Variants in CREB3L2 observed in about 807,000 individuals in gnomAD.
CREB3L2 encodes cAMP responsive element binding protein 3 like 2.
Under a neutral mutation model 57.2 loss-of-function variants are expected in CREB3L2, and 23 were observed. The ratio of observed to expected loss-of-function variants is 0.40; its 90% CI spans 0.29 to 0.57. The LOEUF is 0.57. Ranked by LOEUF, CREB3L2 falls within the 20% of genes least tolerant of loss-of-function variation. CREB3L2 has a pLI of 0.42. For synonymous variants in CREB3L2, 268 were observed against 265.1 expected, an observed-to-expected ratio of 1.01 and a Z score of -0.11; for missense variants, 628 against 634.7, an observed-to-expected ratio of 0.99 and a Z score of 0.11.
At chr7:137,975,662 C>T (rs766404560) in intron 1 of CREB3L2, among the ~76,000 whole-genome samples, 1 of 152,098 alleles carries the variant, frequency 6.6e-6, no homozygotes, top group Non-Finnish European at 1.5e-5. Context: ...CTGCGTCTTC[C>T]AGCACCTCAA....
At chr7:137,899,141 GAAGGAAGGAAGGAAGGAAGGA>G (rs1158844652) in intron 8 of CREB3L2, among the ~76,000 whole-genome samples, 1 of 149,544 alleles carries the variant, frequency 6.7e-6, no homozygotes, top group East Asian at 2.1e-4. Flanking sequence ...AGGAAGGAAG[GAAGGAAGGAAGGAAGGAAGGA>G]AGGAAGGAAC....
chr7:137,885,351 G>T, intron 9 of CREB3L2, 52 bp downstream of exon 9: 2 of 1,470,650 alleles, frequency 1.4e-6, no homozygotes, highest in Non-Finnish European at 1.9e-6. Context: ...GGAGAGGGGA[G>T]ACAGGGGCCA....
chr7:137,957,218 CA>C (rs1369599851), intron 1 of CREB3L2, among the ~76,000 whole-genome samples: 2 of 152,198 alleles, frequency 1.3e-5, no homozygotes, highest in African/African-American at 4.8e-5. Context: ...GCTACTTCCA[CA>C]ATCTAGCCTT....
intron 1 of CREB3L2, among the ~76,000 whole-genome samples, chr7:137,964,221 C>A (rs931891818): frequency 1.3e-5 from 2 of 152,144 alleles, no homozygotes; most frequent in African/African-American, 4.8e-5. Context: ...GAGGCTGAGG[C>A]AGGAGAATCA....
intron 1 of CREB3L2, among the ~76,000 whole-genome samples, chr7:137,986,171 C>T (rs1801789340): frequency 6.6e-6 from 1 of 152,248 alleles, no homozygotes; most frequent in Non-Finnish European, 1.5e-5. Context: ...TAAGCCTAGA[C>T]TCATTCATTT....
chr7:137,965,938 T>C (rs1801400446), intron 1 of CREB3L2, among the ~76,000 whole-genome samples: 1 of 152,202 alleles, frequency 6.6e-6, no homozygotes, highest in African/African-American at 2.4e-5. Flanking sequence ...AATGGGTGCA[T>C]CTCACCCTAG....
rs368376398 is a variant in CREB3L2 at position 137,912,979 on chromosome 7, G to A, written c.583+12C>T. 1.9e-6 allele frequency: 3 copies of A among 1,613,394 alleles called. No homozygotes were observed. The highest frequency in any genetic ancestry group is 1.1e-5 in the South Asian group (1 of 91,002). On this transcript the variant is annotated intron_variant, in intron 4 of 11. Coordinates refer to ENST00000330387, the MANE Select transcript of CREB3L2 (RefSeq NM_194071.4). ...TCCATAACCCAAAGGGACACAGGGA[G>A]GGCAGACAGACCTTCTTTAGGAGAG...
In CREB3L2 at chr7:137,916,026, G is replaced by C; in HGVS notation, c.320-14C>G. On this transcript the variant is annotated splice_polypyrimidine_tract_variant and intron_variant, in intron 2 of 11. Coordinates refer to ENST00000330387, the MANE Select transcript of CREB3L2 (RefSeq NM_194071.4). ...TTTCCACCTCATCTGCAGGAAAAAA[G>C]ACAAGCACACATGTGAACTTGTTCA... 6.2e-7 allele frequency: 1 copy of C among 1,607,170 alleles called. No individual in the cohort carries two copies. Among genetic ancestry groups the C allele is most frequent in the African/African-American group, 1.3e-5 (1 of 74,750 alleles).
intron 1 of CREB3L2, among the ~76,000 whole-genome samples, chr7:137,969,489 G>A (rs1801467084): frequency 6.6e-6 from 1 of 151,720 alleles, no homozygotes; most frequent in Admixed American, 6.6e-5. Context: ...TGGGACTACA[G>A]GCGCCCGCCA....
chr7:137,993,378 T>C (rs997837472), intron 1 of CREB3L2, among the ~76,000 whole-genome samples: 1 of 152,168 alleles, frequency 6.6e-6, no homozygotes, highest in Non-Finnish European at 1.5e-5. Flanking sequence ...ACAGGGACTG[T>C]TTCAATCACC....
chr7:137,895,730 G>A (rs982822080), intron 8 of CREB3L2, among the ~76,000 whole-genome samples: 2 of 151,594 alleles, frequency 1.3e-5, no homozygotes, highest in African/African-American at 4.8e-5. Context: ...AGTCCCCTGT[G>A]GGGTATTGTA....
At position 137,876,566 on chromosome 7, in the gene CREB3L2, T is replaced by C. The variant is rs1799160733; in HGVS notation, c.*3910A>G. On this transcript the variant is annotated 3_prime_UTR_variant, in exon 12 of 12. Transcript: ENST00000330387. ...GAAACATCTAAGTCTTGTCTCTGGATCCTTCACAGCCCTCACGTCACCACC... is the reference window on the plus strand; with the variant it reads ...GAAACATCTAAGTCTTGTCTCTGGACCCTTCACAGCCCTCACGTCACCACC... The C allele has an allele frequency of 4.3e-6, 1 of 232,994 alleles. No homozygotes were observed. Among genetic ancestry groups the C allele is most frequent in the African/African-American group, 2.2e-5 (1 of 45,290 alleles). 14.4% of individuals were successfully genotyped at this position (232,994 alleles called of 1,614,324 possible). A position where few individuals can be genotyped will look rare whatever the true frequency, so the allele number is the denominator to read the frequency against.
Position 137,880,528 on chromosome 7 carries a change from T to C in CREB3L2, c.1511A>G (p.Asn504Ser), listed in dbSNP as rs1799273249. ...GAGTTCTACAACTTTTAGTGTTTCA[T>C]TCCCCTCCAGTTTGGCGCTGACCCT... ...QHLVSAKLEG[N>S]ETLKVVELDR... The change falls in exon 12 of 12, where the codon AAT becomes AGT. Residue 504 changes from asparagine (N) to serine (S), a missense_variant. By Grantham distance (46) the Asn-to-Ser change is conservative. Around this residue, in one of 3 missense-constraint regions of CREB3L2, gnomAD observed 272 missense variants for 242.7 expected, o/e 1.12. Coordinates refer to ENST00000330387, the MANE Select transcript of CREB3L2 (RefSeq NM_194071.4). This position sits in a 1 kb window ranked among gnomAD's most constrained non-coding sequence, Gnocchi z 4.0. 6.2e-7 allele frequency: 1 copy of C among 1,613,976 alleles called. No individual in the cohort carries two copies. The highest frequency in any genetic ancestry group is 8.5e-7 in the Non-Finnish European group (1 of 1,179,926).
intron 1 of CREB3L2, among the ~76,000 whole-genome samples, chr7:137,963,760 A>G (rs1176615823): frequency 6.6e-6 from 1 of 152,222 alleles, no homozygotes; most frequent in Admixed American, 6.5e-5. Context: ...AATTATGTCC[A>G]GGGATAATTA....
chr7:137,954,482 A>T (rs1801169007), intron 1 of CREB3L2, among the ~76,000 whole-genome samples: 1 of 152,230 alleles, frequency 6.6e-6, no homozygotes, highest in African/African-American at 2.4e-5. Flanking sequence ...CTATTTTCAG[A>T]AAACTTTTAG....
chr7:137,889,204 T>G (rs964488114), intron 8 of CREB3L2, among the ~76,000 whole-genome samples: 24 of 152,238 alleles, frequency 1.6e-4, no homozygotes, highest in African/African-American at 5.5e-4. Flanking sequence ...GGCTCCCCAG[T>G]GCCTCCTGAA....
intron 8 of CREB3L2, among the ~76,000 whole-genome samples, chr7:137,899,822 A>G (rs1585604753): frequency 2.6e-5 from 4 of 152,336 alleles, no homozygotes; most frequent in African/African-American, 9.6e-5. Flanking sequence ...TGTCTATATT[A>G]GCTGGCTTTT....
intron 1 of CREB3L2, among the ~76,000 whole-genome samples, chr7:137,995,069 G>C (rs998007834): frequency 6.6e-6 from 1 of 152,066 alleles, no homozygotes; most frequent in African/African-American, 2.4e-5. Flanking sequence ...TCATATGACC[G>C]AATCCTTACC....
At chr7:137,925,787 G>GAGT (rs1800441634) in intron 2 of CREB3L2, among the ~76,000 whole-genome samples, 1 of 152,198 alleles carries the variant, frequency 6.6e-6, no homozygotes, top group Non-Finnish European at 1.5e-5. Flanking sequence ...CATCTTAAAT[G>GAGT]AGTAGTATCC....
Sources: gnomAD v4.1 joint callset for allele counts (sites outside exome capture counted in the v4.1 genomes callset) on GRCh38, gnomAD v4.1.1 for gene constraint, gnomAD v4.1.1 regional missense constraint, Gnocchi (gnomAD v3.1) non-coding constraint, MANE v1.5 for transcripts, NCBI Gene and HGNC (gene_info 2026-07-23, HGNC 2026-07-21) for gene names.